Variants in SGCZ observed in about 807,000 individuals in gnomAD.
SGCZ encodes the protein zeta-sarcoglycan.
Under a neutral mutation model 41.3 loss-of-function variants are expected in SGCZ, and 40 were observed. The observed-to-expected ratio is 0.97, with a 90% confidence interval of 0.75 to 1.26. The LOEUF (loss-of-function observed/expected upper bound fraction) is 1.26, where lower values mean the gene tolerates loss of function less well. SGCZ is among the 50% of genes most tolerant of loss of function. The pLI is 0.00. For missense variants in SGCZ, 552 were observed against 369.8 expected (o/e 1.49, Z -4.04); for synonymous variants, 206 against 137.5 (o/e 1.50, Z -3.49).
intron 1 of SGCZ, among the ~76,000 whole-genome samples, chr8:15,016,654 G>A (rs918537233): frequency 2.6e-5 from 4 of 152,138 alleles, no homozygotes; most frequent in Non-Finnish European, 2.9e-5. Context: ...GCCCCAGTAC[G>A]TTTGATAATT....
intron 2 of SGCZ, among the ~76,000 whole-genome samples, chr8:14,467,441 T>G (rs76065829): frequency 0.062 from 9,428 of 151,972 alleles, 955 homozygotes; most frequent in African/African-American, 0.21. Flanking sequence ...TCTCTTATAT[T>G]TGGAGGACAG....
At chr8:14,665,666 AT>A (rs1807887821) in intron 1 of SGCZ, among the ~76,000 whole-genome samples, 1 of 152,166 alleles carries the variant, frequency 6.6e-6, no homozygotes, top group African/African-American at 2.4e-5. Flanking sequence ...TGCTCAAAGC[AT>A]CTTGGAGCTT....
intron 4 of SGCZ, among the ~76,000 whole-genome samples, chr8:14,236,111 G>A (rs1356643333): frequency 6.6e-6 from 1 of 152,178 alleles, no homozygotes; most frequent in East Asian, 1.9e-4. Flanking sequence ...ATCTACTAAG[G>A]TTAGGCCCGT....
intron 4 of SGCZ, among the ~76,000 whole-genome samples, chr8:14,196,526 C>A (rs1440655360): frequency 6.6e-6 from 1 of 152,130 alleles, no homozygotes; most frequent in East Asian, 1.9e-4. Context: ...ACAGCGATTT[C>A]ACTGCTAGCT....
intron 1 of SGCZ, among the ~76,000 whole-genome samples, chr8:14,667,505 T>C (rs1807948389): frequency 6.6e-6 from 1 of 152,204 alleles, no homozygotes; most frequent in Non-Finnish European, 1.5e-5. Flanking sequence ...GCATTTCAAC[T>C]GTTGCTCTTT....
At position 14,337,375 on chromosome 8, in the gene SGCZ, A is replaced by C. The variant is rs1285673265; in HGVS notation, c.235-13171T>G. ...ACAAGCCCAATCAGCAGGTATCAGCAAGACGAGGGAGAGAAGGGGTGAGAT... is the reference window on the plus strand; with the variant it reads ...ACAAGCCCAATCAGCAGGTATCAGCCAGACGAGGGAGAGAAGGGGTGAGAT... On this transcript the variant is annotated intron_variant, in intron 2 of 7. Transcript: ENST00000382080. Among the ~76,000 whole-genome samples the C allele has an allele frequency of 2.0e-5, 3 of 152,230 alleles. No homozygotes were observed. The East Asian group carries it at 5.8e-4, about 30-fold the overall frequency.
chr8:14,281,984 T>C (rs188706326), intron 3 of SGCZ, among the ~76,000 whole-genome samples: 2 of 152,266 alleles, frequency 1.3e-5, no homozygotes, highest in Admixed American at 6.5e-5. Flanking sequence ...ACAACATTGA[T>C]CTAACCAAAT....
At chr8:14,741,433 G>T (rs1443189135) in intron 1 of SGCZ, among the ~76,000 whole-genome samples, 1 of 151,960 alleles carries the variant, frequency 6.6e-6, no homozygotes, top group Non-Finnish European at 1.5e-5. Context: ...CTAAATAGAT[G>T]ACACTTTTGT....
At chr8:15,184,225 G>C (rs1276310881) in intron 1 of SGCZ, among the ~76,000 whole-genome samples, 2 of 151,974 alleles carry the variant, frequency 1.3e-5, no homozygotes, top group South Asian at 2.1e-4. Flanking sequence ...TAGAACTTCT[G>C]GTAGGAAACC....
chr8:14,826,352 G>C (rs994250896), intron 1 of SGCZ, among the ~76,000 whole-genome samples: 13 of 152,154 alleles, frequency 8.5e-5, no homozygotes, highest in Admixed American at 4.6e-4. Context: ...ATTTGGCTTG[G>C]TTCCAAGTCT....
intron 2 of SGCZ, among the ~76,000 whole-genome samples, chr8:14,426,807 A>C (rs1474382530): frequency 3.9e-5 from 6 of 152,168 alleles, no homozygotes; most frequent in African/African-American, 1.4e-4. Flanking sequence ...GCTTAAAGTG[A>C]GTTGCAAAGA....
intron 1 of SGCZ, among the ~76,000 whole-genome samples, chr8:14,832,009 A>C (rs923803364): frequency 3.9e-5 from 6 of 152,136 alleles, no homozygotes; most frequent in African/African-American, 1.4e-4. Flanking sequence ...GATAAATAGT[A>C]ATTGGTAGTT....
At chr8:14,485,669 C>A (rs2117014806) in intron 2 of SGCZ, among the ~76,000 whole-genome samples, 1 of 152,212 alleles carries the variant, frequency 6.6e-6, no homozygotes, top group Admixed American at 6.5e-5. Context: ...AAGAAGGGTT[C>A]TCACTGTAAC....
chr8:14,547,953 C>G (rs970215673), intron 2 of SGCZ, among the ~76,000 whole-genome samples: 4 of 152,074 alleles, frequency 2.6e-5, no homozygotes, highest in African/African-American at 7.2e-5. Flanking sequence ...TTATGCTCAA[C>G]CTTAACAGAA....
At chr8:15,022,899 G>T (rs1054126927) in intron 1 of SGCZ, among the ~76,000 whole-genome samples, 1 of 152,100 alleles carries the variant, frequency 6.6e-6, no homozygotes, top group Admixed American at 6.5e-5. Context: ...TTTAAGTAAC[G>T]TACGTTTCAC....
At chr8:15,141,300 C>G (rs1397199573) in intron 1 of SGCZ, among the ~76,000 whole-genome samples, 1 of 152,182 alleles carries the variant, frequency 6.6e-6, no homozygotes, top group East Asian at 1.9e-4. Context: ...CTTCTTTTTC[C>G]TGGTAAGATC....
intron 2 of SGCZ, among the ~76,000 whole-genome samples, chr8:14,394,396 G>A (rs569681827): frequency 1.1e-4 from 17 of 152,052 alleles, no homozygotes; most frequent in Admixed American, 3.3e-4. Context: ...TGATCCACCC[G>A]CCTCGGCCTT....
chr8:15,051,171 A>C (rs79133295), intron 1 of SGCZ, among the ~76,000 whole-genome samples: 5,142 of 152,222 alleles, frequency 0.034, 116 homozygotes, highest in African/African-American at 0.056. Context: ...GATGCATCCA[A>C]ATGAAAAGGG....
intron 1 of SGCZ, among the ~76,000 whole-genome samples, chr8:15,097,784 G>GTA (rs538390208): frequency 3.9e-5 from 5 of 127,940 alleles, no homozygotes; most frequent in African/African-American, 9.7e-5. Context: ...ATATATACGT[G>GTA]TATATATATA....
Sources: gnomAD v4.1 joint callset for allele counts (sites outside exome capture counted in the v4.1 genomes callset) on GRCh38, gnomAD v4.1.1 for gene constraint, MANE v1.5 for transcripts, NCBI Gene and HGNC (gene_info 2026-07-23, HGNC 2026-07-21) for gene names.